Variants in NUP205 observed in about 807,000 individuals in gnomAD.
NUP205 encodes nuclear pore complex protein Nup205.
In NUP205, 76 loss-of-function variants were observed where a neutral mutation model predicts 253.8. The ratio of observed to expected loss-of-function variants is 0.30; its 90% CI spans 0.25 to 0.36. NUP205 has a LOEUF of 0.36. Among genes scored for constraint, NUP205 ranks in the 10% least tolerant of loss-of-function variants. The pLI is 1.00. For missense variants in NUP205, 2,162 were observed against 2,425.5 expected, an observed-to-expected ratio of 0.89 and a Z score of 2.28; for synonymous variants, 832 against 850.1, an observed-to-expected ratio of 0.98 and a Z score of 0.37.
At chr7:135,620,641 C>G (rs996948053) in intron 30 of NUP205, among the ~76,000 whole-genome samples, 1 of 152,182 alleles carries the variant, frequency 6.6e-6, no homozygotes, top group Admixed American at 6.5e-5. Context: ...AAAAATGCTA[C>G]ATCAACTTTT....
intron 3 of NUP205, among the ~76,000 whole-genome samples, chr7:135,574,335 A>G (rs1806089184): frequency 6.6e-6 from 1 of 152,198 alleles, no homozygotes; most frequent in South Asian, 2.1e-4. Context: ...GATTTCAATA[A>G]TACAGAGTAC....
At position 135,576,965 on chromosome 7, in the gene NUP205, A is replaced by G; in HGVS notation, c.489-4A>G. 1.9e-6 allele frequency: 3 copies of G among 1,604,830 alleles called. No homozygotes were observed. Among genetic ancestry groups the G allele is most frequent in the Non-Finnish European group, 2.5e-6 (3 of 1,177,646 alleles). ...CGTAGTTTATTGATTTCTTTTCATT[A>G]CAGTCCAGAGCTGGCTTCCATGACA... On this transcript the variant is annotated splice_region_variant and splice_polypyrimidine_tract_variant and intron_variant, in intron 4 of 42. Transcript: ENST00000285968.
At position 135,594,633 on chromosome 7, in the gene NUP205, C is replaced by A. The variant is rs1444844918; in HGVS notation, c.1917C>A (p.Pro639=). 6.2e-7 allele frequency: 1 copy of A among 1,613,822 alleles called. No homozygotes were observed. The highest frequency in any genetic ancestry group is 1.7e-5 in the Admixed American group (1 of 60,006). ...TGGGACTCCTCCAATGCAGTATTCC[C>A]CCTGTCCTAAAAGCTGAGCTACTGA... ...VILGLLQCSI[P]PVLKAELLKT... The change falls in exon 13 of 43, where the codon CCC becomes CCA. Residue 639 remains proline (P), a synonymous_variant. Coordinates refer to ENST00000285968, the MANE Select transcript of NUP205 (RefSeq NM_015135.3).
Position 135,644,937 on chromosome 7 carries a change from A to G in NUP205, c.5602A>G (p.Thr1868Ala). 6.2e-7 allele frequency: 1 copy of G among 1,614,104 alleles called. No homozygotes were observed. Among genetic ancestry groups the G allele is most frequent in the Non-Finnish European group, 8.5e-7 (1 of 1,179,978 alleles). Residue 1868 changes from threonine to alanine, a missense_variant, in exon 40 of 43, where the codon ACT becomes GCT. By Grantham distance (58) the Thr-to-Ala change is moderately conservative. Transcript: ENST00000285968. ...VMPAGVDKIS[T>A]AQKYVLARRR... ...GCCTGCTGGTGTTGATAAAATCTCC[A>G]CTGCTCAGAAATATGTTCTAGCAAG...
At chr7:135,559,957 C>G (rs1805537991) in intron 1 of NUP205, among the ~76,000 whole-genome samples, 1 of 151,344 alleles carries the variant, frequency 6.6e-6, no homozygotes, top group South Asian at 2.1e-4. Context: ...CTCCTGGGTT[C>G]AAGCGATTCC....
Position 135,625,081 on chromosome 7 carries a change from A to G in NUP205, c.4480-83A>G, listed in dbSNP as rs1333063324. The G allele has an allele frequency of 9.7e-6, 10 of 1,036,054 alleles. No individual in the cohort carries two copies. In the East Asian group the frequency reaches 2.5e-4, roughly 26 times the overall value. The allele number at this position is 1,036,054 out of a possible 1,614,324, so 64.2% of individuals were successfully genotyped here. A position where few individuals can be genotyped will look rare whatever the true frequency, so the allele number is the denominator to read the frequency against. On this transcript the variant is annotated intron_variant, in intron 31 of 42. Coordinates refer to ENST00000285968, the MANE Select transcript of NUP205 (RefSeq NM_015135.3). ...ATGAAAAACATTCTTCATATTTCAT[A>G]TCTGATGTCAGATAAATTCAGTTAC...
At chr7:135,590,745 A>C (rs544188066) in intron 10 of NUP205, among the ~76,000 whole-genome samples, 1 of 151,620 alleles carries the variant, frequency 6.6e-6, no homozygotes, top group South Asian at 2.1e-4. Context: ...GTTGGCCAGG[A>C]TAGTCTTGAT....
chr7:135,628,652 CA>C (rs1243011947), intron 34 of NUP205, among the ~76,000 whole-genome samples: 1 of 152,206 alleles, frequency 6.6e-6, no homozygotes, highest in African/African-American at 2.4e-5. Context: ...TTCCAACACA[CA>C]TTTTTTTAAA....
intron 7 of NUP205, 54 bp downstream of exon 7, chr7:135,578,969 G>C (rs543399269): frequency 7.1e-7 from 1 of 1,403,168 alleles, no homozygotes; most frequent in East Asian, 2.4e-5. Flanking sequence ...AGCACTTAAT[G>C]ACATTTTTGG....
chr7:135,613,032 G>A (rs866330388), intron 22 of NUP205, among the ~76,000 whole-genome samples: 8 of 151,882 alleles, frequency 5.3e-5, no homozygotes, highest in Middle Eastern at 3.4e-3. Flanking sequence ...GCTGCAGTGA[G>A]CTGTGATTGC....
intron 8 of NUP205, 69 bp from the exon 9 acceptor site, chr7:135,587,505 GC>G: frequency 1.2e-6 from 1 of 830,408 alleles, no homozygotes; most frequent in Non-Finnish European, 1.8e-6. Context: ...TAAGACAGTT[GC>G]CTGATTTCAT....
rs547078074 is a variant in NUP205 at position 135,608,897 on chromosome 7, T to TA, written c.3195+1527dup. Among the ~76,000 whole-genome samples the TA allele has an allele frequency of 5.0e-3, 756 of 151,850 alleles. 6 individuals carry two copies. The highest frequency in any genetic ancestry group is 0.018 in the African/African-American group (730 of 41,374). ...GAGCAGATCACCTGAGGTTAGGAGT[T>TA]AGAGACCAGCCTGGCCAACATGGTG... is the stretch of plus-strand genomic sequence containing the variant. On this transcript the variant is annotated intron_variant, in intron 22 of 42. Transcript: ENST00000285968.
At position 135,643,291 on chromosome 7, in the gene NUP205, A is replaced by T; in HGVS notation, c.5492A>T (p.Asp1831Val). 4 of 1,614,074 alleles carry T rather than the reference A, an allele frequency of 2.5e-6. No individual in the cohort carries two copies. Among genetic ancestry groups the T allele is most frequent in the Non-Finnish European group, 3.4e-6 (4 of 1,179,978 alleles). The change falls in exon 39 of 43, where the codon GAC becomes GTC. Residue 1831 changes from aspartate to valine, a missense_variant. Around this residue, in one of 5 missense-constraint regions of NUP205, gnomAD observed 1,144 missense variants for 1,280.9 expected, o/e 0.89. Transcript: ENST00000285968. ...QSANDFFSYY[D>V]SHRQSVSKLQ... ...GCTAATGATTTCTTCAGCTATTATG[A>T]CAGTCATCGACAGAGTGTCAGCAAG...
chr7:135,630,921 G>A (rs750110415), intron 35 of NUP205, among the ~76,000 whole-genome samples: 5 of 150,440 alleles, frequency 3.3e-5, no homozygotes, highest in Admixed American at 6.6e-5. Context: ...ACAAGACTCC[G>A]TCTCTGTTTT....
intron 1 of NUP205, among the ~76,000 whole-genome samples, chr7:135,561,203 G>A (rs1584629845): frequency 6.6e-6 from 1 of 152,044 alleles, no homozygotes; most frequent in South Asian, 2.1e-4. Context: ...AATTAGCCTG[G>A]CATGATGGCA....
intron 1 of NUP205, among the ~76,000 whole-genome samples, chr7:135,570,748 A>ATAT: frequency 1.1e-5 from 1 of 91,450 alleles, no homozygotes; most frequent in Non-Finnish European, 2.1e-5. Context: ...TTAATATATT[A>ATAT]ATTATATTTA....
chr7:135,639,623 G>A (rs1230019012), intron 38 of NUP205, among the ~76,000 whole-genome samples: 2 of 151,680 alleles, frequency 1.3e-5, no homozygotes, highest in Admixed American at 6.6e-5. Flanking sequence ...CCCAGGAGGC[G>A]GAGGTTGCGG....
At chr7:135,638,469 A>G in intron 37 of NUP205, 88 bp from the exon 38 acceptor site, 1 of 1,092,102 alleles carries the variant, frequency 9.2e-7, no homozygotes, top group Non-Finnish European at 1.4e-6. Context: ...AAATTGATTG[A>G]TAACCTTTTC....
chr7:135,561,031 A>G (rs1227476088), intron 1 of NUP205, among the ~76,000 whole-genome samples: 2 of 152,194 alleles, frequency 1.3e-5, no homozygotes, highest in Non-Finnish European at 2.9e-5. Flanking sequence ...AGGAAAAAAT[A>G]CAGAGATTGT....
Sources: gnomAD v4.1 joint callset for allele counts (sites outside exome capture counted in the v4.1 genomes callset) on GRCh38, gnomAD v4.1.1 for gene constraint, gnomAD v4.1.1 regional missense constraint, MANE v1.5 for transcripts, NCBI Gene and HGNC (gene_info 2026-07-23, HGNC 2026-07-21) for gene names.